Variants in CCDC66 observed in about 807,000 individuals in gnomAD.
CCDC66 encodes coiled-coil domain containing 66.
CCDC66 carries 133 observed loss-of-function variants against 128.3 expected under a neutral mutation model. The ratio of observed to expected loss-of-function variants is 1.04; its 90% confidence interval spans 0.90 to 1.20. The LOEUF (loss-of-function observed/expected upper bound fraction) is 1.20. Among genes scored for constraint, CCDC66 ranks in the 50% most tolerant of loss-of-function variants. The probability of loss-of-function intolerance (pLI) is 0.00; values close to 1 mark genes in which losing one functional copy is unlikely to be tolerated. For synonymous variants in CCDC66, 387 were observed against 357.0 expected (o/e 1.08, Z -0.95); for missense variants, 1,126 against 1,075.5 (o/e 1.05, Z -0.66).
At chr3:56,591,774 A>G (rs2070941625) in intron 7 of CCDC66, among the ~76,000 whole-genome samples, 1 of 152,210 alleles carries the variant, frequency 6.6e-6, no homozygotes, top group African/African-American at 2.4e-5. Context: ...TACTTTTTGT[A>G]TAAATATTTC....
intron 7 of CCDC66, among the ~76,000 whole-genome samples, chr3:56,584,278 GCTCCTCAC>G (rs2069113330): frequency 6.9e-6 from 1 of 145,820 alleles, no homozygotes; most frequent in African/African-American, 2.5e-5. Context: ...GGGCGGAGGG[GCTCCTCAC>G]TTCTCAGACG....
Position 56,619,060 on chromosome 3 carries a change from A to C in CCDC66, c.2379-211A>C. On this transcript the variant is annotated intron_variant, in intron 15 of 17. Coordinates refer to ENST00000394672, the MANE Select transcript of CCDC66 (RefSeq NM_001141947.3). ...TTGGTGAACCCCGTCTCTACTAAAA[A>C]TACAGAAACTAGCTGGGCACTGTGG... 9.0e-6 allele frequency: 4 copies of C among 443,736 alleles called. No individual in the cohort carries two copies. The South Asian group carries it at 1.4e-4, about 15-fold the overall frequency. The allele number at this position is 443,736 out of a possible 1,614,324, so 27.5% of individuals were successfully genotyped here.
intron 10 of CCDC66, among the ~76,000 whole-genome samples, chr3:56,603,766 A>T (rs549876447): frequency 6.6e-6 from 1 of 152,072 alleles, no homozygotes; most frequent in Non-Finnish European, 1.5e-5. Flanking sequence ...GATTCTGTTG[A>T]TTTGGGGTGG....
At chr3:56,583,911 C>G (rs1227663874) in intron 7 of CCDC66, among the ~76,000 whole-genome samples, 2 of 75,462 alleles carry the variant, frequency 2.7e-5, no homozygotes, top group Non-Finnish European at 5.0e-5. Flanking sequence ...GATGGGGCGG[C>G]GGCTGGGCGG....
At chr3:56,619,974 G>T (rs1403738221) in intron 17 of CCDC66, 73 bp downstream of exon 17, 1 of 1,514,412 alleles carries the variant, frequency 6.6e-7, no homozygotes, top group Admixed American at 2.0e-5. Context: ...CTGTTGAACG[G>T]TTTGTTTTAA....
rs374227528 is a variant in CCDC66, at chr3:56,566,615, A to G, written c.566A>G (p.Asn189Ser). ...EAKSQYSLYL[N>S]SISNQPKDEN... is the part of the protein sequence containing the mutation. ...CTAGGTCAATATAGTCTATATTTAAACAGTATTTCTAATCAGCCAAAGGAT... is the reference window on the plus strand; with the variant it reads ...CTAGGTCAATATAGTCTATATTTAAGCAGTATTTCTAATCAGCCAAAGGAT... Residue 189 changes from asparagine to serine, a missense_variant, in exon 5 of 18, where the codon AAC becomes AGC. Transcript: ENST00000394672. The G allele has an allele frequency of 1.1e-5, 18 of 1,582,692 alleles. No individual in the cohort carries two copies. The South Asian group carries it at 1.8e-4, about 16-fold the overall frequency.
rs78447224 is a variant in CCDC66 at position 56,558,296 on chromosome 3, T to G, written c.12-550T>G. On this transcript the variant is annotated intron_variant, in intron 1 of 17. Coordinates refer to ENST00000394672, the MANE Select transcript of CCDC66 (RefSeq NM_001141947.3). ...TTCAAGTTTTGTTGGCAGTGGCTACTGTTACTTTATGCCTTTGCTTCTGAT... is the reference window on the plus strand; with the variant it reads ...TTCAAGTTTTGTTGGCAGTGGCTACGGTTACTTTATGCCTTTGCTTCTGAT... Among the ~76,000 whole-genome samples the G allele has an allele frequency of 1.0e-3, 159 of 152,370 alleles. 1 individual carries two copies. The highest frequency in any genetic ancestry group is 8.5e-3 in the East Asian group (44 of 5,186).
intron 7 of CCDC66, among the ~76,000 whole-genome samples, chr3:56,573,777 A>G (rs928197102): frequency 2.0e-5 from 3 of 149,384 alleles, no homozygotes; most frequent in African/African-American, 7.3e-5. Flanking sequence ...GGTGTGTCTG[A>G]TTTCCCCATC....
intron 7 of CCDC66, among the ~76,000 whole-genome samples, chr3:56,583,731 C>CT (rs1389728773): frequency 6.6e-6 from 1 of 151,924 alleles, no homozygotes; most frequent in South Asian, 2.1e-4. Context: ...TCTGATATCT[C>CT]TATCTTTTCC....
intron 10 of CCDC66, among the ~76,000 whole-genome samples, chr3:56,598,555 C>G (rs1015286847): frequency 6.6e-5 from 10 of 151,802 alleles, no homozygotes; most frequent in Non-Finnish European, 2.9e-5. Context: ...GTGGGTTTGT[C>G]ATATATAGTC....
intron 10 of CCDC66, among the ~76,000 whole-genome samples, chr3:56,597,649 C>CTTTA (rs2072250465): frequency 6.6e-6 from 1 of 151,502 alleles, no homozygotes; most frequent in East Asian, 1.9e-4. Flanking sequence ...GGTGGGATTG[C>CTTTA]CTTCTTTATT....
chr3:56,563,438 A>T (rs956052249), intron 3 of CCDC66: 1 of 401,374 alleles, frequency 2.5e-6, no homozygotes, highest in African/African-American at 2.0e-5. Context: ...ATCTAATGAC[A>T]TAAGATTCAA....
At chr3:56,575,976 T>G (rs905074048) in intron 7 of CCDC66, among the ~76,000 whole-genome samples, 4 of 151,790 alleles carry the variant, frequency 2.6e-5, no homozygotes, top group African/African-American at 9.7e-5. Context: ...CCTTCCAACT[T>G]TCTTCTTTTT....
intron 17 of CCDC66, chr3:56,621,072 G>GAGA (rs2076477246): frequency 6.6e-6 from 1 of 152,100 alleles, no homozygotes; most frequent in African/African-American, 2.4e-5. Flanking sequence ...GTTGAGGCAG[G>GAGA]AGAATGGTGT....
At chr3:56,573,859 G>C (rs2066984812) in intron 7 of CCDC66, among the ~76,000 whole-genome samples, 1 of 151,146 alleles carries the variant, frequency 6.6e-6, no homozygotes, top group African/African-American at 2.4e-5. Flanking sequence ...CAGTTGGTTG[G>C]GGGACTTAGA....
At chr3:56,591,203 A>G (rs899765104) in intron 7 of CCDC66, among the ~76,000 whole-genome samples, 2 of 152,240 alleles carry the variant, frequency 1.3e-5, no homozygotes, top group African/African-American at 4.8e-5. Flanking sequence ...TCCTTGAGTA[A>G]GAAATTAAAG....
chr3:56,588,385 C>G (rs2106850987), intron 7 of CCDC66, among the ~76,000 whole-genome samples: 1 of 152,210 alleles, frequency 6.6e-6, no homozygotes, highest in Admixed American at 6.5e-5. Flanking sequence ...ACACCAGAAT[C>G]TCACAGATCA....
At position 56,618,353 on chromosome 3, in the gene CCDC66, G is replaced by T. The variant is rs2075803935; in HGVS notation, c.2378+141G>T. 20 of 730,430 alleles carry T rather than the reference G, an allele frequency of 2.7e-5. No homozygotes were observed. In the South Asian group the frequency reaches 3.7e-4, roughly 14 times the overall value. 45.2% of individuals were successfully genotyped at this position (730,430 alleles called of 1,614,324 possible). A position where few individuals can be genotyped will look rare whatever the true frequency, so the allele number is the denominator to read the frequency against. ...TGTGGCTTCCAGGTGAGGGTTAGAG[G>T]TTTAAGGGATAGTGTGGCACTTTAG... On this transcript the variant is annotated intron_variant, in intron 15 of 17. Coordinates refer to ENST00000394672, the MANE Select transcript of CCDC66 (RefSeq NM_001141947.3).
chr3:56,580,836 C>T (rs1014703902), intron 7 of CCDC66, among the ~76,000 whole-genome samples: 18 of 151,800 alleles, frequency 1.2e-4, no homozygotes, highest in Admixed American at 7.9e-4. Context: ...TCTGGCTGCC[C>T]TTAACATTTT....
Sources: allele counts gnomAD v4.1 joint callset (sites outside exome capture counted in the v4.1 genomes callset), GRCh38; gene constraint gnomAD v4.1.1; transcripts MANE v1.5; gene names NCBI Gene and HGNC (gene_info 2026-07-23, HGNC 2026-07-21).